Variants in MLXIPL observed in about 807,000 individuals in gnomAD.
MLXIPL encodes carbohydrate-responsive element-binding protein.
MLXIPL carries 49 observed loss-of-function variants against 81.5 expected under a neutral mutation model. The ratio of observed to expected loss-of-function variants is 0.60; its 90% CI spans 0.48 to 0.76. MLXIPL has a LOEUF of 0.76. Ranked by LOEUF, MLXIPL falls within the 30% of genes least tolerant of loss-of-function variation. MLXIPL has a pLI of 0.00. For missense variants in MLXIPL, 1,053 were observed against 1,167.0 expected, an observed-to-expected ratio of 0.90 and a Z score of 1.42; for synonymous variants, 466 against 485.5, an observed-to-expected ratio of 0.96 and a Z score of 0.53.
chr7:73,596,901 A>T lies in MLXIPL; in HGVS notation c.1635T>A (p.Leu545=). ...AKPEQALEPP[L]VSSTLLRSPG... ...GGGACCGGAGGAGGGTGCTGGATAC[A>T]AGTGGTGGCTCCAGGGCTTGCTCCG... Residue 545 remains leucine, a synonymous_variant, in exon 10 of 17, where the codon CTT becomes CTA. Coordinates refer to ENST00000313375, the MANE Select transcript of MLXIPL (RefSeq NM_032951.3). This position sits in a 1 kb window ranked among gnomAD's most constrained non-coding sequence, Gnocchi z 4.7. 2 of 1,610,996 alleles carry T rather than the reference A, an allele frequency of 1.2e-6. No homozygotes were observed. The highest frequency in any genetic ancestry group is 1.1e-5 in the South Asian group (1 of 90,572).
chr7:73,647,295 G>T, the MLXIPL span, among the ~76,000 whole-genome samples: 1 of 152,184 alleles, frequency 6.6e-6, no homozygotes, highest in Non-Finnish European at 1.5e-5. Context: ...TTCTGTCCCA[G>T]CCAGGGGCAG....
In MLXIPL at chr7:73,593,441, G is replaced by A. The variant is rs1475853451; in HGVS notation, c.*424C>T. 1 of 294,756 alleles carries A rather than the reference G, an allele frequency of 3.4e-6. No individual in the cohort carries two copies. Among genetic ancestry groups the A allele is most frequent in the Non-Finnish European group, 6.7e-6 (1 of 148,294 alleles). 18.3% of individuals were successfully genotyped at this position (294,756 alleles called of 1,614,324 possible). On this transcript the variant is annotated 3_prime_UTR_variant, in exon 17 of 17. Coordinates refer to ENST00000313375, the MANE Select transcript of MLXIPL (RefSeq NM_032951.3). Reference sequence around the variant, plus strand: ...TCTCTGCTCAGGAACAGAGGTCTGTGCCCCACCTGTCGGGGAGCAAGTGGA... The same window carrying A: ...TCTCTGCTCAGGAACAGAGGTCTGTACCCCACCTGTCGGGGAGCAAGTGGA...
At chr7:73,630,219 G>A in the MLXIPL span, among the ~76,000 whole-genome samples, 1 of 149,962 alleles carries the variant, frequency 6.7e-6, no homozygotes, top group Non-Finnish European at 1.5e-5. Context: ...GGAAGGTCTC[G>A]ATCTCTTGAC....
Position 73,623,581 on chromosome 7 carries a change from A to G in MLXIPL, c.293+619T>C, listed in dbSNP as rs1374738892. Among the ~76,000 whole-genome samples the G allele has an allele frequency of 1.3e-5, 2 of 151,950 alleles. No individual in the cohort carries two copies. The highest frequency in any genetic ancestry group is 2.9e-5 in the Non-Finnish European group (2 of 67,988). On this transcript the variant is annotated intron_variant, in intron 1 of 16. Transcript: ENST00000313375. The surrounding 1 kb of genome is among the most constrained non-coding windows in gnomAD (Gnocchi z 5.7). Reference sequence around the variant, plus strand: ...CCTCTGCGAGCTGCGCCTCTTGGACATTTCTGGGACATCCTCCTCCCGCCA... The same window carrying G: ...CCTCTGCGAGCTGCGCCTCTTGGACGTTTCTGGGACATCCTCCTCCCGCCA...
At chr7:73,607,074 T>A in intron 4 of MLXIPL, 56 bp from the exon 5 acceptor site, 1 of 1,592,174 alleles carries the variant, frequency 6.3e-7, no homozygotes, top group East Asian at 2.3e-5. Flanking sequence ...TCCATCACTT[T>A]CCCCCCAAAG....
At chr7:73,639,745 A>G in the MLXIPL span, among the ~76,000 whole-genome samples, 1 of 152,208 alleles carries the variant, frequency 6.6e-6, no homozygotes, top group African/African-American at 2.4e-5. Context: ...AAGATAACTA[A>G]GATGCAATGC....
rs1795256809 is a variant in MLXIPL at position 73,606,085 on chromosome 7, C to G, written c.645G>C (p.Glu215Asp). The G allele has an allele frequency of 6.3e-7, 1 of 1,585,600 alleles. No homozygotes were observed. Among genetic ancestry groups the G allele is most frequent in the African/African-American group, 1.3e-5 (1 of 74,598 alleles). Reference protein sequence around the residue: ...KQAEGRWPPPEQWCKQLFSSV... With the variant: ...KQAEGRWPPPDQWCKQLFSSV... ...TGGAGAAGAGCTGTTTGCACCATTG[C>G]TCCGGCGGCGGCCACCTGCCTTCCG... is the stretch of plus-strand genomic sequence containing the variant. The change falls in exon 6 of 17, where the codon GAG (glutamate) becomes GAC (aspartate). Residue 215 changes from glutamate to aspartate, a missense_variant. Around this residue, in one of 3 missense-constraint regions of MLXIPL, gnomAD observed 823 missense variants for 933.0 expected, o/e 0.88. Coordinates refer to ENST00000313375, the MANE Select transcript of MLXIPL (RefSeq NM_032951.3).
chr7:73,596,212 G>C lies in MLXIPL; in HGVS notation c.1999C>G (p.Leu667Val). 1 of 1,613,674 alleles carries C rather than the reference G, an allele frequency of 6.2e-7. No individual in the cohort carries two copies. Among genetic ancestry groups the C allele is most frequent in the South Asian group, 1.1e-5 (1 of 91,062 alleles). Residue 667 changes from leucine (L) to valine (V), a missense_variant, in exon 13 of 17, where the codon CTG becomes GTG. By Grantham distance (32) the Leu-to-Val change is conservative. Coordinates refer to ENST00000313375, the MANE Select transcript of MLXIPL (RefSeq NM_032951.3). This position sits in a 1 kb window ranked among gnomAD's most constrained non-coding sequence, Gnocchi z 4.7. ...AGCCCATGAAGGGTGTCAAACCCCA[G>C]CTTGATGTTGAAGCGCCGCTTCTGC... ...AEQKRRFNIK[L>V]GFDTLHGLVS...
intron 1 of MLXIPL, among the ~76,000 whole-genome samples, chr7:73,620,507 G>A (rs578091896): frequency 2.0e-5 from 3 of 150,686 alleles, no homozygotes; most frequent in South Asian, 4.2e-4. Flanking sequence ...TTGGGAGGCC[G>A]AGACGGGTGG....
At chr7:73,632,846 C>T in the MLXIPL span, among the ~76,000 whole-genome samples, 1 of 151,448 alleles carries the variant, frequency 6.6e-6, no homozygotes, top group Non-Finnish European at 1.5e-5. Flanking sequence ...GTGGCGCGAT[C>T]TCAGCTCACT....
At chr7:73,602,130 G>GCCTTCTTTCCTTCCTTCCTTCCTTCCTT (rs1794900412) in intron 7 of MLXIPL, among the ~76,000 whole-genome samples, 1 of 80,508 alleles carries the variant, frequency 1.2e-5, no homozygotes, top group Admixed American at 1.5e-4. Flanking sequence ...CTGCCTGCCT[G>GCCTTCTTTCCTTCCTTCCTTCCTTCCTT]CCTTCCTTCC....
At chr7:73,641,792 C>T in the MLXIPL span, among the ~76,000 whole-genome samples, 23 of 152,152 alleles carry the variant, frequency 1.5e-4, no homozygotes, top group Admixed American at 3.9e-4. Flanking sequence ...TATGCCATGA[C>T]GCCTGGCTAA....
intron 7 of MLXIPL, among the ~76,000 whole-genome samples, chr7:73,601,236 C>G (rs1554596183): frequency 6.7e-6 from 1 of 148,916 alleles, no homozygotes. Flanking sequence ...CACCCCCAAC[C>G]CCATCCCCCA....
chr7:73,601,827 C>T (rs970361913), intron 7 of MLXIPL, among the ~76,000 whole-genome samples: 1 of 152,066 alleles, frequency 6.6e-6, no homozygotes, highest in Non-Finnish European at 1.5e-5. Flanking sequence ...TCACCGCGCC[C>T]GGCCCTGTGT....
Position 73,624,512 on chromosome 7 carries a change from G to T in MLXIPL, c.-20C>A, listed in dbSNP as rs575306058. 3.3e-6 allele frequency: 5 copies of T among 1,522,534 alleles called. No individual in the cohort carries two copies. In the East Asian group the frequency reaches 7.5e-5, roughly 23 times the overall value. 94.3% of individuals were successfully genotyped at this position (1,522,534 alleles called of 1,614,324 possible). ...GGCCATGGCTGTCGCCGCCGCAACC[G>T]CCTGGTCCCTGCTCCGCGCAGCGCG... is the stretch of plus-strand genomic sequence containing the variant. On this transcript the variant is annotated 5_prime_UTR_variant, in exon 1 of 17. Coordinates refer to ENST00000313375, the MANE Select transcript of MLXIPL (RefSeq NM_032951.3).
chr7:73,602,130 G>GCCTGCCTGCCTGCCTTCCTTCCTTCCTT (rs1461829446), intron 7 of MLXIPL, among the ~76,000 whole-genome samples: 7 of 80,552 alleles, frequency 8.7e-5, no homozygotes, highest in Non-Finnish European at 1.2e-4. Flanking sequence ...CTGCCTGCCT[G>GCCTGCCTGCCTGCCTTCCTTCCTTCCTT]CCTTCCTTCC....
chr7:73,641,824 T>C, the MLXIPL span, among the ~76,000 whole-genome samples: 1 of 152,034 alleles, frequency 6.6e-6, no homozygotes, highest in Admixed American at 6.6e-5. Flanking sequence ...TTAGTAGAGA[T>C]GGGGTTTCAC....
Position 73,597,441 on chromosome 7 carries a change from C to T in MLXIPL, c.1344G>A (p.Pro448=), listed in dbSNP as rs372996225. The change falls in exon 9 of 17, where the codon CCG becomes CCA. Residue 448 remains proline, a synonymous_variant. Transcript: ENST00000313375. ...GTGGGAAGGCTGCAGGAGCAGGCAG[C>T]GGAGACACTCCTGGGGCAGGAGGGA... The part of the protein sequence containing the change: ...PTVPPAPGVS[P]LPAPAAFPPT... 2.3e-5 allele frequency: 32 copies of T among 1,421,430 alleles called. No homozygotes were observed. The highest frequency in any genetic ancestry group is 1.6e-4 in the East Asian group (6 of 38,480). 88.1% of individuals were successfully genotyped at this position (1,421,430 alleles called of 1,614,324 possible).
the MLXIPL span, among the ~76,000 whole-genome samples, chr7:73,640,505 G>C: frequency 6.6e-6 from 1 of 151,748 alleles, no homozygotes; most frequent in South Asian, 2.1e-4. Context: ...GGCCGGGCGT[G>C]GTGGCTCACG....
Sources: allele counts gnomAD v4.1 joint callset (sites outside exome capture counted in the v4.1 genomes callset), GRCh38; gene constraint gnomAD v4.1.1; regional missense constraint gnomAD v4.1.1; non-coding constraint Gnocchi (gnomAD v3.1); transcripts MANE v1.5; gene names NCBI Gene and HGNC (gene_info 2026-07-23, HGNC 2026-07-21).